GPR137: variants seen among roughly 807,000 people sequenced by gnomAD.
GPR137 encodes the protein G protein-coupled receptor 137, also known as integral membrane protein GPR137.
GPR137 carries 20 observed loss-of-function variants against 38.9 expected under a neutral mutation model. The ratio of observed to expected loss-of-function variants is 0.51; its 90% CI spans 0.36 to 0.75. The LOEUF is 0.75. Among genes scored for constraint, GPR137 ranks in the 30% least tolerant of loss-of-function variants. The probability of loss-of-function intolerance (pLI) is 0.00; values close to 1 mark genes in which losing one functional copy is unlikely to be tolerated. For missense variants in GPR137, 456 were observed against 526.4 expected (o/e 0.87, Z 1.31); for synonymous variants, 226 against 235.8 (o/e 0.96, Z 0.38).
In GPR137 at chr11:64,288,633, T is replaced by G; in HGVS notation, c.943T>G (p.Phe315Val). 1 of 1,612,180 alleles carries G rather than the reference T, an allele frequency of 6.2e-7. No individual in the cohort carries two copies. ...CAGCCACATCCTCAATGGGCAGGTCTTTGCCTCTCGGTCCTACTTCTTTGA... is the reference window on the plus strand; with the variant it reads ...CAGCCACATCCTCAATGGGCAGGTCGTTGCCTCTCGGTCCTACTTCTTTGA... ...STSHILNGQV[F>V]ASRSYFFDRA... Residue 315 changes from phenylalanine (F) to valine (V), a missense_variant, in exon 6 of 7, where the codon TTT (phenylalanine) becomes GTT (valine). By Grantham distance (50) the Phe-to-Val change is conservative. Coordinates refer to ENST00000438980, the MANE Select transcript of GPR137 (RefSeq NM_001170880.2). The surrounding 1 kb of genome is among the most constrained non-coding windows in gnomAD (Gnocchi z 5.5).
intron 2 of GPR137, among the ~76,000 whole-genome samples, chr11:64,278,679 T>G (rs565165833): frequency 7.9e-4 from 121 of 152,278 alleles, no homozygotes; most frequent in Middle Eastern, 3.4e-3. Flanking sequence ...CTGGGCTGCT[T>G]CTTTCTGCCT....
rs367703845 is a variant in GPR137 at position 64,289,285 on chromosome 11, G to T, written c.*89G>T. 8 of 1,613,388 alleles carry T rather than the reference G, an allele frequency of 5.0e-6. No homozygotes were observed. The highest frequency in any genetic ancestry group is 6.8e-6 in the Non-Finnish European group (8 of 1,179,910). ...AGTTTGTCTGCCGCTTCTTGCCCAG[G>T]ATCCTGGGGGTCGTGGCTACCCCCT... is the stretch of plus-strand genomic sequence containing the variant. On this transcript the variant is annotated 3_prime_UTR_variant, in exon 7 of 7. Transcript: ENST00000438980.
At chr11:64,285,365 G>A (rs1281635188), upstream of GPR137, 2 of 985,130 alleles carry the variant, frequency 2.0e-6, no homozygotes, top group Non-Finnish European at 2.4e-6. Flanking sequence ...TTCACGCCTG[G>A]CAGGCGGCCG....
At chr11:64,289,005 G>C in intron 6 of GPR137, 32 bp from the exon 7 acceptor site, 1 of 1,500,136 alleles carries the variant, frequency 6.7e-7, no homozygotes, top group South Asian at 1.3e-5. Flanking sequence ...CCTGGTCACT[G>C]TCCTGAGACT....
upstream of GPR137, among the ~76,000 whole-genome samples, chr11:64,274,008 C>T (rs2032848179): frequency 1.3e-5 from 2 of 152,162 alleles, no homozygotes. Context: ...GTCTCTTCTC[C>T]CCTCAGAGGA....
upstream of GPR137, among the ~76,000 whole-genome samples, chr11:64,282,709 C>T (rs781080887): frequency 3.3e-5 from 5 of 151,902 alleles, no homozygotes; most frequent in Non-Finnish European, 5.9e-5. Context: ...GAAACCCCAT[C>T]TCTAATAAAA....
chr11:64,284,599 C>A, upstream of GPR137: 1 of 1,499,856 alleles, frequency 6.7e-7, no homozygotes, highest in East Asian at 2.5e-5. Context: ...CCAGGCCCCG[C>A]CCCGCCCGTG....
chr11:64,287,387 T>A, intron 2 of GPR137: 1 of 885,138 alleles, frequency 1.1e-6, no homozygotes, highest in East Asian at 1.2e-4. Context: ...CCCAGCCATC[T>A]TTTATTTGTA....
chr11:64,285,644 G>T (rs896214143), upstream of GPR137: 10 of 985,156 alleles, frequency 1.0e-5, no homozygotes, highest in African/African-American at 1.7e-4. Flanking sequence ...CCCACCCGGG[G>T]ACCCCCTGGA....
chr11:64,289,470 CAAT>C lies in GPR137; in HGVS notation c.*277_*279del. The C allele has an allele frequency of 1.3e-6, 2 of 1,486,750 alleles. No individual in the cohort carries two copies. The highest frequency in any genetic ancestry group is 1.8e-6 in the Non-Finnish European group (2 of 1,120,954). 92.1% of individuals were successfully genotyped at this position (1,486,750 alleles called of 1,614,324 possible). ...AGCTACCTCTCCTGTGCCTGCCACT[CAAT>C]AAACAGTGTCTGCGCCCCACAGTTG... On this transcript the variant is annotated 3_prime_UTR_variant, in exon 7 of 7. Coordinates refer to ENST00000438980, the MANE Select transcript of GPR137 (RefSeq NM_001170880.2).
Position 64,276,226 on chromosome 11 carries a change from A to T in GPR137, c.-89-122A>T, listed in dbSNP as rs77843679. ...GCTAGTTGTTATCAAGATGATACCC[A>T]TTTGTGTAAATTGAATTATATATAT... is the stretch of plus-strand genomic sequence containing the variant. On this transcript the variant is annotated intron_variant, in intron 1 of 2. Coordinates refer to the GPR137 transcript ENST00000538244. The T allele has an allele frequency of 5.3e-5, 8 of 152,116 alleles. No homozygotes were observed. The East Asian group carries it at 1.2e-3, about 22-fold the overall frequency. 9.4% of individuals were successfully genotyped at this position (152,116 alleles called of 1,614,324 possible).
chr11:64,285,979 G>T lies in GPR137; in HGVS notation c.-546G>T. On this transcript the variant is annotated 5_prime_UTR_variant, in exon 1 of 7. It adds an upstream start codon to the 5' untranslated region. Coordinates refer to ENST00000438980, the MANE Select transcript of GPR137 (RefSeq NM_001170880.2). Reference sequence around the variant, plus strand: ...GCTGGAGCGTGGACGCGGTGGGGGAGGGTGGGGCGGGGGCAGCTTTCGAGA... The same window carrying T: ...GCTGGAGCGTGGACGCGGTGGGGGATGGTGGGGCGGGGGCAGCTTTCGAGA... 2 of 981,156 alleles carry T rather than the reference G, an allele frequency of 2.0e-6. No homozygotes were observed. The highest frequency in any genetic ancestry group is 2.4e-6 in the Non-Finnish European group (2 of 826,012). 60.8% of individuals were successfully genotyped at this position (981,156 alleles called of 1,614,324 possible).
At chr11:64,275,487 C>T (rs577831374), upstream of GPR137, among the ~76,000 whole-genome samples, 9 of 152,236 alleles carry the variant, frequency 5.9e-5, no homozygotes, top group African/African-American at 1.7e-4. Context: ...CTGCCAGGAT[C>T]GCCATGACAA....
At chr11:64,285,571 G>T (rs2033876049), upstream of GPR137, 1 of 984,176 alleles carries the variant, frequency 1.0e-6, no homozygotes, top group African/African-American at 1.7e-5. Flanking sequence ...TTGGGTATAG[G>T]AGAGAGGAGC....
intron 1 of GPR137, chr11:64,276,282 G>GTGTATATATT (rs1456708027): frequency 9.6e-4 from 54 of 56,014 alleles, no homozygotes; most frequent in African/African-American, 5.3e-3. Context: ...ATTTATGTGT[G>GTGTATATATT]TGTGTGTGTA....
upstream of GPR137, among the ~76,000 whole-genome samples, chr11:64,272,537 C>G (rs1393164923): frequency 6.6e-6 from 1 of 152,176 alleles, no homozygotes; most frequent in Non-Finnish European, 1.5e-5. Context: ...GCTACATGTC[C>G]GCATCCCCCA....
At chr11:64,282,219 G>A (rs1341228746), upstream of GPR137, among the ~76,000 whole-genome samples, 2 of 152,176 alleles carry the variant, frequency 1.3e-5, no homozygotes, top group Non-Finnish European at 1.5e-5. Context: ...ACTGTGTGGC[G>A]CGAGTGAATG....
intron 2 of GPR137, among the ~76,000 whole-genome samples, chr11:64,277,318 G>A (rs1418417411): frequency 6.6e-6 from 1 of 152,196 alleles, no homozygotes; most frequent in Non-Finnish European, 1.5e-5. Flanking sequence ...GCACCTGTAG[G>A]CCTCAGCCTT....
At chr11:64,284,148 G>A, upstream of GPR137, 3 of 1,536,546 alleles carry the variant, frequency 2.0e-6, no homozygotes, top group Non-Finnish European at 2.6e-6. Context: ...TGGGGGTGAG[G>A]TGTCCCGGCA....
Sources: gnomAD v4.1 joint callset for allele counts (sites outside exome capture counted in the v4.1 genomes callset) on GRCh38, gnomAD v4.1.1 for gene constraint, Gnocchi (gnomAD v3.1) non-coding constraint, MANE v1.5 for transcripts, NCBI Gene and HGNC (gene_info 2026-07-23, HGNC 2026-07-21) for gene names.